Variants in ATP1A2 observed in about 807,000 individuals in gnomAD.
ATP1A2 encodes sodium/potassium-transporting ATPase subunit alpha-2.
A neutral mutation model predicts 113.1 loss-of-function variants in ATP1A2; 56 were observed. That is an observed-to-expected ratio of 0.49 (90% confidence interval 0.40 to 0.62). The LOEUF is 0.62. Ranked by LOEUF, ATP1A2 falls within the 20% of genes least tolerant of loss-of-function variation. ATP1A2 has a pLI of 0.00. For synonymous variants in ATP1A2, 490 were observed against 526.8 expected (o/e 0.93, Z 0.96); for missense variants, 712 against 1,357.8 (o/e 0.52, Z 7.47).
intron 1 of ATP1A2, among the ~76,000 whole-genome samples, chr1:160,118,080 AG>A (rs930894002): frequency 1.3e-5 from 2 of 152,126 alleles, no homozygotes; most frequent in African/African-American, 2.4e-5. Context: ...AGGAGGGGGA[AG>A]GGGCAGTGTG....
chr1:160,137,136 G>A, intron 20 of ATP1A2, 105 bp downstream of exon 20: 1 of 1,572,826 alleles, frequency 6.4e-7, no homozygotes, highest in Non-Finnish European at 8.7e-7. Flanking sequence ...GCTGTAAGGA[G>A]GGCATCAGAT....
chr1:160,139,552 T>A, intron 20 of ATP1A2, 88 bp from the exon 21 acceptor site: 1 of 1,132,196 alleles, frequency 8.8e-7, no homozygotes, highest in Non-Finnish European at 1.3e-6. Flanking sequence ...GAATTCTCTC[T>A]CCTCTTTCCC....
At position 160,127,981 on chromosome 1, in the gene ATP1A2, G is replaced by C. The variant is rs184349015; in HGVS notation, c.1017+161G>C. On this transcript the variant is annotated intron_variant, in intron 8 of 22. Coordinates refer to ENST00000361216, the MANE Select transcript of ATP1A2 (RefSeq NM_000702.4). ...TCACTTAATACATGGCTTAGGGTAT[G>C]AGTTGAGAAATCTCAGGTGGGGCTA... 9.2e-5 allele frequency among the ~76,000 whole-genome samples: 14 copies of C among 152,314 alleles called. No homozygotes were observed. In the East Asian group the frequency reaches 2.5e-3, roughly 27 times the overall value.
At chr1:160,131,444 A>G (rs1651767350) in intron 13 of ATP1A2, among the ~76,000 whole-genome samples, 2 of 152,196 alleles carry the variant, frequency 1.3e-5, no homozygotes, top group Admixed American at 1.3e-4. Context: ...TAACTATCAT[A>G]CCAGGAGACT....
At chr1:160,133,553 C>A (rs528993146) in intron 13 of ATP1A2, among the ~76,000 whole-genome samples, 13 of 152,292 alleles carry the variant, frequency 8.5e-5, no homozygotes, top group African/African-American at 3.1e-4. Flanking sequence ...AGGTAGGGAC[C>A]ACCGTGCTCA....
At position 160,125,055 on chromosome 1, in the gene ATP1A2, G is replaced by T. The variant is rs1360107286; in HGVS notation, c.631-81G>T. On this transcript the variant is annotated intron_variant, in intron 6 of 22. Coordinates refer to ENST00000361216, the MANE Select transcript of ATP1A2 (RefSeq NM_000702.4). ...TCCTCGTGTCATGAAGATTGAGTGT[G>T]GTTGGAGGTGGTTCAGGAGACAGCT... 7.5e-6 allele frequency: 8 copies of T among 1,066,454 alleles called. No homozygotes were observed. The East Asian group carries it at 1.9e-4, about 25-fold the overall frequency. The allele number at this position is 1,066,454 out of a possible 1,614,324, so 66.1% of individuals were successfully genotyped here.
intron 1 of ATP1A2, among the ~76,000 whole-genome samples, chr1:160,117,822 T>TG (rs1169178089): frequency 6.6e-6 from 1 of 151,942 alleles, no homozygotes; most frequent in African/African-American, 2.4e-5. Flanking sequence ...GAGGCTGAGA[T>TG]GGGGGGAGCG....
intron 20 of ATP1A2, among the ~76,000 whole-genome samples, chr1:160,138,572 T>C (rs1652028168): frequency 6.6e-6 from 1 of 152,190 alleles, no homozygotes; most frequent in Non-Finnish European, 1.5e-5. Context: ...CCGGGGACAG[T>C]GGTTCACACC....
Position 160,142,438 on chromosome 1 carries a change from G to C in ATP1A2, c.*1116G>C, listed in dbSNP as rs984365890. 1 of 152,234 alleles carries C rather than the reference G, an allele frequency of 6.6e-6. No individual in the cohort carries two copies. Among genetic ancestry groups the C allele is most frequent in the Non-Finnish European group, 1.5e-5 (1 of 68,062 alleles). 9.4% of individuals were successfully genotyped at this position (152,234 alleles called of 1,614,324 possible). On this transcript the variant is annotated 3_prime_UTR_variant, in exon 23 of 23. Transcript: ENST00000361216. ...TCCCTGAACCTTCCTGTCTCCCAGG[G>C]ACATGTATGCTTCCAGGGACAAGCT...
Position 160,141,357 on chromosome 1 carries a change from G to T in ATP1A2, c.*35G>T. On this transcript the variant is annotated 3_prime_UTR_variant, in exon 23 of 23. Coordinates refer to ENST00000361216, the MANE Select transcript of ATP1A2 (RefSeq NM_000702.4). ...AAGAAGAACCAGGCATGGAAAGATG[G>T]GGAGCTCTGGAGGTGTTGTGGGGAT... is the stretch of plus-strand genomic sequence containing the variant. 1 of 1,613,044 alleles carries T rather than the reference G, an allele frequency of 6.2e-7. No individual in the cohort carries two copies. Among genetic ancestry groups the T allele is most frequent in the South Asian group, 1.1e-5 (1 of 91,064 alleles).
intron 1 of ATP1A2, among the ~76,000 whole-genome samples, chr1:160,120,266 C>T (rs1651350153): frequency 6.6e-6 from 1 of 152,074 alleles, no homozygotes; most frequent in African/African-American, 2.4e-5. Context: ...CCCATGTCTC[C>T]ACTTCCTGGA....
chr1:160,130,317 A>G, intron 12 of ATP1A2, 26 bp downstream of exon 12: 2 of 1,614,146 alleles, frequency 1.2e-6, no homozygotes, highest in Non-Finnish European at 1.7e-6. Context: ...CAGGAGGCTC[A>G]GAAGGGGATT....
intron 8 of ATP1A2, chr1:160,128,413 G>A: frequency 1.7e-6 from 2 of 1,183,666 alleles, no homozygotes; most frequent in Non-Finnish European, 2.4e-6. Flanking sequence ...GCTCTGCTCT[G>A]GCCCTCTCTG....
At chr1:160,119,788 G>GT (rs1651321593) in intron 1 of ATP1A2, among the ~76,000 whole-genome samples, 3 of 150,534 alleles carry the variant, frequency 2.0e-5, no homozygotes, top group African/African-American at 7.3e-5. Flanking sequence ...AAGGTGGGAG[G>GT]ATCACTTGAG....
intron 1 of ATP1A2, among the ~76,000 whole-genome samples, chr1:160,118,696 C>T (rs1209802967): frequency 6.6e-6 from 1 of 152,142 alleles, no homozygotes; most frequent in Non-Finnish European, 1.5e-5. Context: ...GCAACACAGC[C>T]TCCAAAAGCT....
At chr1:160,126,573 G>A (rs545692810) in intron 7 of ATP1A2, among the ~76,000 whole-genome samples, 127 of 152,186 alleles carry the variant, frequency 8.3e-4, no homozygotes, top group Non-Finnish European at 1.6e-3. Flanking sequence ...AGGCTCAAGC[G>A]ATCTCCCACC....
rs1651926437 is a variant in ATP1A2, at chr1:160,136,075, T to C, written c.2439+82T>C. 4 of 1,606,386 alleles carry C rather than the reference T, an allele frequency of 2.5e-6. No individual in the cohort carries two copies. The East Asian group carries it at 8.9e-5, about 36-fold the overall frequency. ...AGGGAGGAGAGGTGCACTGGGGCAG[T>C]GGCCCCAGCTGTGGGGGTTACAGGA... On this transcript the variant is annotated intron_variant, in intron 17 of 22. Transcript: ENST00000361216.
chr1:160,136,107 C>T, intron 17 of ATP1A2, 114 bp downstream of exon 17: 1 of 1,600,490 alleles, frequency 6.2e-7, no homozygotes, highest in South Asian at 1.1e-5. Context: ...AGGAGACAGG[C>T]ACAGGCCTGG....
rs868632991 is a variant in ATP1A2 at position 160,130,259 on chromosome 1, T to G, written c.1619T>G (p.Met540Arg). The G allele has an allele frequency of 3.1e-6, 5 of 1,614,056 alleles. No individual in the cohort carries two copies. In the Middle Eastern group the frequency reaches 4.9e-4, roughly 160 times the overall value. Residue 540 changes from methionine (M) to arginine (R), a missense_variant, in exon 12 of 23, where the codon ATG (methionine) becomes AGG (arginine). Physicochemically the swap from Met to Arg is moderately conservative, Grantham distance 91. This residue lies in a region of ATP1A2 where 263 missense variants were observed against 380.6 expected (regional missense o/e 0.69). Transcript: ENST00000361216. ...CAAGATGCCTTTCAAAATGCCTACATGGAGCTGGGGGGACTTGGGGAGCGT... is the reference window on the plus strand; with the variant it reads ...CAAGATGCCTTTCAAAATGCCTACAGGGAGCTGGGGGGACTTGGGGAGCGT... ...EMQDAFQNAY[M>R]ELGGLGERVL...
Sources: allele counts gnomAD v4.1 joint callset (sites outside exome capture counted in the v4.1 genomes callset), GRCh38; gene constraint gnomAD v4.1.1; regional missense constraint gnomAD v4.1.1; transcripts MANE v1.5; gene names NCBI Gene and HGNC (gene_info 2026-07-23, HGNC 2026-07-21).